TRAPPC8: variants seen among roughly 807,000 people sequenced by gnomAD.
TRAPPC8 encodes trafficking protein particle complex subunit 8, also known as general sporulation gene 1 homolog.
TRAPPC8 carries 54 observed loss-of-function variants against 174.3 expected under a neutral mutation model. The observed-to-expected ratio is 0.31, with a 90% CI of 0.25 to 0.39. The LOEUF is 0.39. TRAPPC8 is among the 10% of genes least tolerant of loss of function. The pLI is 1.00. For missense variants in TRAPPC8, 1,531 were observed against 1,699.1 expected, an observed-to-expected ratio of 0.90 and a Z score of 1.74; for synonymous variants, 630 against 579.9, an observed-to-expected ratio of 1.09 and a Z score of -1.24.
chr18:31,860,922 G>A (rs1165239067), intron 19 of TRAPPC8, among the ~76,000 whole-genome samples: 1 of 152,174 alleles, frequency 6.6e-6, no homozygotes, highest in Non-Finnish European at 1.5e-5. Context: ...ATAGCTGAAA[G>A]TATAGCTTTT....
intron 12 of TRAPPC8, among the ~76,000 whole-genome samples, chr18:31,888,382 T>G (rs919163660): frequency 6.6e-6 from 1 of 152,022 alleles, no homozygotes; most frequent in Admixed American, 6.6e-5. Context: ...AAAAATACAG[T>G]ATTAGCCGAG....
Position 31,872,720 on chromosome 18 carries a change from C to T in TRAPPC8, c.2062+710G>A, listed in dbSNP as rs651501. Among the ~76,000 whole-genome samples the T allele has an allele frequency of 4.0e-3, 611 of 151,624 alleles. 3 individuals are homozygous for T. Among genetic ancestry groups the T allele is most frequent in the African/African-American group, 0.014 (582 of 41,358 alleles). ...AGGTGTGAGCCACCACACCCGGCCA[C>T]AATATAATTTTATATAAGCAAAAGA... On this transcript the variant is annotated intron_variant, in intron 14 of 28. Transcript: ENST00000283351.
chr18:31,873,665 TA>T, intron 13 of TRAPPC8, 127 bp from the exon 14 acceptor site: 1 of 592,328 alleles, frequency 1.7e-6, no homozygotes, highest in Non-Finnish European at 2.9e-6. Context: ...ATGTAATTAC[TA>T]GTTTTATTTC....
intron 1 of TRAPPC8, among the ~76,000 whole-genome samples, chr18:31,932,574 G>GAAT (rs1194941621): frequency 2.0e-5 from 3 of 152,200 alleles, no homozygotes; most frequent in Non-Finnish European, 4.4e-5. Flanking sequence ...TCAGGACAGG[G>GAAT]AATAGGTTCT....
rs745488703 is a variant in TRAPPC8 at position 31,935,548 on chromosome 18, T to TGAAAAAAAAAAA, written c.158-4026_158-4025insTTTTTTTTTTTC. On this transcript the variant is annotated intron_variant, in intron 1 of 28. Coordinates refer to ENST00000283351, the MANE Select transcript of TRAPPC8 (RefSeq NM_014939.5). ...GGGCAACAAGAGCGAAACTCCATCTTAAAAAAAAAAAAAAAAAAAAGCAGG... is the reference window on the plus strand; with the variant it reads ...GGGCAACAAGAGCGAAACTCCATCTTGAAAAAAAAAAAAAAAAAAAAAAAAAAAAAAAGCAGG... Among the ~76,000 whole-genome samples the TGAAAAAAAAAAA allele has an allele frequency of 4.7e-3, 217 of 46,256 alleles. 48 individuals carry two copies. Among genetic ancestry groups the TGAAAAAAAAAAA allele is most frequent in the African/African-American group, 0.013 (121 of 9,032 alleles). 30.3% of individuals were successfully genotyped at this position (46,256 alleles called of 152,430 possible).
chr18:31,841,249 C>T (rs1407404343), intron 26 of TRAPPC8, among the ~76,000 whole-genome samples: 2 of 151,944 alleles, frequency 1.3e-5, no homozygotes, highest in Non-Finnish European at 2.9e-5. Context: ...GAAAAGAAAA[C>T]CAGAATTTGC....
intron 2 of TRAPPC8, among the ~76,000 whole-genome samples, chr18:31,927,758 A>G (rs1161213506): frequency 6.6e-6 from 1 of 152,186 alleles, no homozygotes; most frequent in African/African-American, 2.4e-5. Context: ...AAATATTTGC[A>G]GTATGAAAAA....
At chr18:31,939,615 C>A (rs1423890803) in intron 1 of TRAPPC8, 1 of 152,236 alleles carries the variant, frequency 6.6e-6, no homozygotes, top group Non-Finnish European at 1.5e-5. Context: ...TAACGTCCAA[C>A]TCATTATACT....
chr18:31,942,299 C>A (rs2038379043), intron 1 of TRAPPC8, among the ~76,000 whole-genome samples: 1 of 152,164 alleles, frequency 6.6e-6, no homozygotes, highest in African/African-American at 2.4e-5. Context: ...TCGCTATGGC[C>A]GTGGAGAACA....
chr18:31,905,751 T>C (rs1182892687), intron 9 of TRAPPC8, among the ~76,000 whole-genome samples: 2 of 152,288 alleles, frequency 1.3e-5, no homozygotes, highest in African/African-American at 2.4e-5. Context: ...CAGGTGCACA[T>C]ATATCATCTA....
intron 12 of TRAPPC8, among the ~76,000 whole-genome samples, chr18:31,886,765 G>C (rs564885041): frequency 6.6e-6 from 1 of 152,106 alleles, no homozygotes; most frequent in Non-Finnish European, 1.5e-5. Flanking sequence ...AGCGGATCAC[G>C]AGGTCAGGAG....
intron 25 of TRAPPC8, among the ~76,000 whole-genome samples, chr18:31,848,855 CT>C (rs1166743298): frequency 1.3e-5 from 2 of 152,132 alleles, no homozygotes; most frequent in Non-Finnish European, 2.9e-5. Flanking sequence ...ATTAAGACTC[CT>C]TTGCAGTATA....
intron 12 of TRAPPC8, among the ~76,000 whole-genome samples, chr18:31,880,090 A>AAAAAAATATATATATATAT (rs1259899654): frequency 1.2e-5 from 1 of 85,380 alleles, no homozygotes; most frequent in Non-Finnish European, 2.2e-5. Context: ...TGAAAAAAAA[A>AAAAAAATATATATATATAT]ATATATATAT....
intron 9 of TRAPPC8, among the ~76,000 whole-genome samples, 187 bp from the exon 10 acceptor site, chr18:31,901,212 T>TGATC (rs2036410774): frequency 6.6e-6 from 1 of 152,018 alleles, no homozygotes; most frequent in Admixed American, 6.6e-5. Flanking sequence ...AGAAGATGGG[T>TGATC]GATCTGACTC....
chr18:31,916,056 C>CAAAAAA (rs34732342), intron 4 of TRAPPC8, among the ~76,000 whole-genome samples: 1 of 87,932 alleles, frequency 1.1e-5, no homozygotes, highest in Non-Finnish European at 2.3e-5. Context: ...GACCTCGTCT[C>CAAAAAA]AAAAAAAAAA....
At chr18:31,924,692 C>T (rs975135002) in intron 2 of TRAPPC8, among the ~76,000 whole-genome samples, 16 of 146,184 alleles carry the variant, frequency 1.1e-4, no homozygotes, top group East Asian at 6.0e-4. Flanking sequence ...GAGCCAAGAT[C>T]GCACCACTGC....
chr18:31,864,318 C>T (rs1362500830), intron 19 of TRAPPC8, among the ~76,000 whole-genome samples: 1 of 151,718 alleles, frequency 6.6e-6, no homozygotes, highest in South Asian at 2.1e-4. Context: ...AGCATTCATT[C>T]ACAAATTATT....
intron 19 of TRAPPC8, among the ~76,000 whole-genome samples, chr18:31,861,287 A>C (rs2034307571): frequency 6.6e-6 from 1 of 152,206 alleles, no homozygotes. Flanking sequence ...CCTCTGCTCT[A>C]AAATACCCTC....
At chr18:31,928,158 AAAAAT>A (rs200682708) in intron 2 of TRAPPC8, among the ~76,000 whole-genome samples, 5,844 of 150,718 alleles carry the variant, frequency 0.039, 338 homozygotes, top group African/African-American at 0.12. Flanking sequence ...TCCGACTAAA[AAAAAT>A]AAAATAAAAT....
Sources: allele counts gnomAD v4.1 joint callset (sites outside exome capture counted in the v4.1 genomes callset), GRCh38; gene constraint gnomAD v4.1.1; transcripts MANE v1.5; gene names NCBI Gene and HGNC (gene_info 2026-07-23, HGNC 2026-07-21).